TREML4: variants seen among roughly 807,000 people sequenced by gnomAD.
The protein encoded by TREML4 is triggering receptor expressed on myeloid cells like 4, also known as trem-like transcript 4 protein.
Under a neutral mutation model 25.4 loss-of-function variants are expected in TREML4, and 25 were observed. The observed-to-expected ratio is 0.98, with a 90% CI of 0.72 to 1.37. The LOEUF is 1.37. Ranked by LOEUF, TREML4 falls within the 40% of genes most tolerant of loss-of-function variation. The pLI is 0.00. For synonymous variants in TREML4, 92 were observed against 87.9 expected, an observed-to-expected ratio of 1.05 and a Z score of -0.26; for missense variants, 268 against 236.5, an observed-to-expected ratio of 1.13 and a Z score of -0.87.
intron 4 of TREML4, among the ~76,000 whole-genome samples, chr6:41,232,779 A>G (rs1428446095): frequency 1.3e-5 from 2 of 152,192 alleles, no homozygotes; most frequent in Non-Finnish European, 2.9e-5. Flanking sequence ...GGTTCATGCT[A>G]CTACGAGAAT....
intron 4 of TREML4, among the ~76,000 whole-genome samples, chr6:41,234,037 A>G (rs1188055421): frequency 1.3e-5 from 2 of 151,770 alleles, no homozygotes; most frequent in Non-Finnish European, 1.5e-5. Flanking sequence ...AACAGATAGT[A>G]TAGATTCTTT....
intron 4 of TREML4, chr6:41,231,086 C>G (rs1027169994): frequency 1.1e-5 from 5 of 443,810 alleles, no homozygotes; most frequent in Non-Finnish European, 1.8e-5. Flanking sequence ...GATGGGACCA[C>G]CCAGTTGTAG....
Position 41,228,912 on chromosome 6 carries a change from A to C in TREML4, c.262A>C (p.Asn88His). 2 of 1,614,136 alleles carry C rather than the reference A, an allele frequency of 1.2e-6. No homozygotes were observed. Among genetic ancestry groups the C allele is most frequent in the South Asian group, 2.2e-5 (2 of 91,074 alleles). The change falls in exon 2 of 6, where the codon AAT becomes CAT. Residue 88 changes from asparagine (N) to histidine (H), a missense_variant. Transcript: ENST00000341495. ...KSHYTIWDKPNAGFFNITMIQ... is the reference protein window; with the variant it reads ...KSHYTIWDKPHAGFFNITMIQ... ...TCATTACACAATCTGGGACAAGCCC[A>C]ATGCTGGCTTCTTCAACATCACCAT...
chr6:41,236,582 A>G lies in TREML4; in HGVS notation c.603A>G (p.Ter201TrpextTer41), dbSNP rs1245998265. ...GLLLAKGLML[*>W] ...TCCTGGCCAAGGGCCTGATGTTGTG[A>G]GTCCTGTTAGTGCTCCTGATCTGCA... The change falls in exon 5 of 6, where the codon TGA becomes TGG. Residue 201 changes from the stop codon to tryptophan, a stop_lost. Coordinates refer to ENST00000341495, the MANE Select transcript of TREML4 (RefSeq NM_198153.3). 1.9e-6 allele frequency: 3 copies of G among 1,612,868 alleles called. No individual in the cohort carries two copies. Among genetic ancestry groups the G allele is most frequent in the Non-Finnish European group, 2.5e-6 (3 of 1,179,060 alleles).
chr6:41,229,527 C>T lies in TREML4; in HGVS notation c.401C>T (p.Thr134Ile). Residue 134 changes from threonine (T) to isoleucine (I), a missense_variant, in exon 3 of 6, where the codon ACC (threonine) becomes ATC (isoleucine). Transcript: ENST00000341495. ...NISLVVSPAPTTSPMWTLPWL... is the reference protein window; with the variant it reads ...NISLVVSPAPITSPMWTLPWL... ...TGCTGTCTTTTCTCTTTAGCCCCAACCACGTCTCCTATGTGGACTCTTCCC... is the reference window on the plus strand; with the variant it reads ...TGCTGTCTTTTCTCTTTAGCCCCAATCACGTCTCCTATGTGGACTCTTCCC... The T allele has an allele frequency of 1.2e-6, 2 of 1,613,940 alleles. No individual in the cohort carries two copies. Among genetic ancestry groups the T allele is most frequent in the Non-Finnish European group, 1.7e-6 (2 of 1,179,908 alleles).
chr6:41,229,250 C>T (rs1201284418), intron 2 of TREML4, among the ~76,000 whole-genome samples: 1 of 152,106 alleles, frequency 6.6e-6, no homozygotes, highest in Non-Finnish European at 1.5e-5. Flanking sequence ...TGGGAAGGTA[C>T]CCTCAGAGGT....
At chr6:41,229,820 G>T (rs539349438) in intron 3 of TREML4, among the ~76,000 whole-genome samples, 1 of 152,222 alleles carries the variant, frequency 6.6e-6, no homozygotes, top group East Asian at 1.9e-4. Context: ...AGTCCATATG[G>T]AACACCTTGC....
In TREML4 at chr6:41,228,819, C is replaced by G; in HGVS notation, c.169C>G (p.Gln57Glu). 1 of 1,614,148 alleles carries G rather than the reference C, an allele frequency of 6.2e-7. No homozygotes were observed. Among genetic ancestry groups the G allele is most frequent in the African/African-American group, 1.3e-5 (1 of 75,028 alleles). ...GPYQPKSWCQ[Q>E]TSPSRCTLLV... ...CTATCAGCCCAAATCCTGGTGTCAG[C>G]AGACATCTCCAAGTCGGTGTACCTT... The change falls in exon 2 of 6, where the codon CAG (glutamine) becomes GAG (glutamate). Residue 57 changes from glutamine (Q) to glutamate (E), a missense_variant. Physicochemically the swap from Gln to Glu is conservative, Grantham distance 29 (BLOSUM62 2). Coordinates refer to ENST00000341495, the MANE Select transcript of TREML4 (RefSeq NM_198153.3).
chr6:41,230,038 C>T lies in TREML4; in HGVS notation c.446-24C>T, dbSNP rs748097905. ...TCTATTCTGGTGCCCTGGGCAGCCACTGTCTTCTTTGTGTCCTCTTTAGTT... is the reference window on the plus strand; with the variant it reads ...TCTATTCTGGTGCCCTGGGCAGCCATTGTCTTCTTTGTGTCCTCTTTAGTT... On this transcript the variant is annotated intron_variant, in intron 3 of 5. Transcript: ENST00000341495. 12 of 1,596,296 alleles carry T rather than the reference C, an allele frequency of 7.5e-6. No individual in the cohort carries two copies. The Admixed American group carries it at 2.0e-4, about 27-fold the overall frequency.
intron 4 of TREML4, chr6:41,232,363 G>A (rs1407643971): frequency 2.5e-6 from 1 of 405,658 alleles, no homozygotes; most frequent in Non-Finnish European, 5.1e-6. Context: ...TGATTTATAG[G>A]AATGGCAGCT....
intron 4 of TREML4, among the ~76,000 whole-genome samples, chr6:41,235,448 C>T (rs987750130): frequency 2.0e-5 from 3 of 152,140 alleles, no homozygotes; most frequent in African/African-American, 7.2e-5. Context: ...AAACAACAAA[C>T]TATTAGATCT....
rs1042960523 is a variant in TREML4, at chr6:41,237,958, G to A, written c.*939G>A. On this transcript the variant is annotated 3_prime_UTR_variant, in exon 6 of 6. Transcript: ENST00000341495. Reference sequence around the variant, plus strand: ...GCACATATTTATGAAGCAAGAATAGGTACAGTCATTTTCCAACTAACATCT... The same window carrying A: ...GCACATATTTATGAAGCAAGAATAGATACAGTCATTTTCCAACTAACATCT... 7.2e-5 allele frequency: 11 copies of A among 152,164 alleles called. No individual in the cohort carries two copies. Among genetic ancestry groups the A allele is most frequent in the African/African-American group, 2.7e-4 (11 of 41,430 alleles). 9.4% of individuals were successfully genotyped at this position (152,164 alleles called of 1,614,324 possible). A position where few individuals can be genotyped will look rare whatever the true frequency, so the allele number is the denominator to read the frequency against.
intron 4 of TREML4, among the ~76,000 whole-genome samples, chr6:41,231,403 G>T (rs1410294934): frequency 6.6e-6 from 1 of 151,866 alleles, no homozygotes; most frequent in African/African-American, 2.4e-5. Flanking sequence ...AATATGCCCA[G>T]TGGAATCTGA....
At chr6:41,229,866 C>A (rs556950602) in intron 3 of TREML4, among the ~76,000 whole-genome samples, 196 bp from the exon 4 acceptor site, 1 of 152,178 alleles carries the variant, frequency 6.6e-6, no homozygotes, top group Non-Finnish European at 1.5e-5. Flanking sequence ...CCTGTCCTCC[C>A]GCCAGCATGG....
Position 41,236,636 on chromosome 6 carries a change from C to G in TREML4, c.*35+19C>G. On this transcript the variant is annotated intron_variant, in intron 5 of 5. Transcript: ENST00000341495. ...GCCACAGGTGAGGGGGCCTGGATTT[C>G]ACCTGGGGGCAATGGAGCTGGGGCC... The G allele has an allele frequency of 7.0e-7, 1 of 1,421,958 alleles. No homozygotes were observed. The highest frequency in any genetic ancestry group is 9.9e-7 in the Non-Finnish European group (1 of 1,011,408). 88.1% of individuals were successfully genotyped at this position (1,421,958 alleles called of 1,614,324 possible). A position where few individuals can be genotyped will look rare whatever the true frequency, so the allele number is the denominator to read the frequency against.
rs772446350 is a variant in TREML4 at position 41,233,886 on chromosome 6, G to A, written c.507-2600G>A. Among the ~76,000 whole-genome samples, 36 of 150,952 alleles carry A rather than the reference G, an allele frequency of 2.4e-4. 1 individual carries two copies. Among genetic ancestry groups the A allele is most frequent in the Non-Finnish European group, 3.5e-4 (24 of 67,666 alleles). ...AATATGTAGTTACAGATTGAAAAAT[G>A]TTCTAAACTATATAAATATAGTTCT... is the stretch of plus-strand genomic sequence containing the variant. On this transcript the variant is annotated intron_variant, in intron 4 of 5. Coordinates refer to ENST00000341495, the MANE Select transcript of TREML4 (RefSeq NM_198153.3).
At chr6:41,231,645 A>G (rs997691391) in intron 4 of TREML4, among the ~76,000 whole-genome samples, 1 of 152,172 alleles carries the variant, frequency 6.6e-6, no homozygotes, top group Non-Finnish European at 1.5e-5. Context: ...GTTGTGAAAA[A>G]TATTATAGAC....
chr6:41,235,714 C>T (rs6906950), intron 4 of TREML4, among the ~76,000 whole-genome samples: 51,659 of 151,954 alleles, frequency 0.34, 8,783 homozygotes, highest in Middle Eastern at 0.43. Context: ...GTAAATATGT[C>T]AATTTCTCCC....
intron 4 of TREML4, among the ~76,000 whole-genome samples, chr6:41,232,019 T>A (rs960138598): frequency 1.3e-5 from 2 of 152,212 alleles, no homozygotes; most frequent in African/African-American, 4.8e-5. Flanking sequence ...GAGGGAAATG[T>A]CTGCACGCTT....
Sources: allele counts gnomAD v4.1 joint callset (sites outside exome capture counted in the v4.1 genomes callset), GRCh38; gene constraint gnomAD v4.1.1; transcripts MANE v1.5; gene names NCBI Gene and HGNC (gene_info 2026-07-23, HGNC 2026-07-21).